Variants in HPS5 observed in about 807,000 individuals in gnomAD.
The protein encoded by HPS5 is HPS5 biogenesis of lysosomal organelles complex 2 subunit 2.
Under a neutral mutation model 128.0 loss-of-function variants are expected in HPS5, and 83 were observed. That is an observed-to-expected ratio of 0.65 (90% CI 0.54 to 0.78). HPS5 has a LOEUF of 0.78. HPS5 is among the 30% of genes least tolerant of loss of function. HPS5 has a pLI of 0.00. For synonymous variants in HPS5, 475 were observed against 470.2 expected (o/e 1.01, Z -0.13); for missense variants, 1,281 against 1,326.2 (o/e 0.97, Z 0.53).
chr11:18,311,848 T>A (rs1271408849), intron 3 of HPS5, 66 bp downstream of exon 3: 4 of 1,042,456 alleles, frequency 3.8e-6, no homozygotes, highest in African/African-American at 1.6e-5. Context: ...ATTATTTATA[T>A]TGGAGAAATT....
intron 5 of HPS5, 151 bp downstream of exon 5, chr11:18,310,590 T>C: frequency 1.5e-6 from 1 of 666,152 alleles, no homozygotes; most frequent in East Asian, 2.5e-5. Flanking sequence ...GTGTACTATA[T>C]AAAAACAGGT....
At position 18,299,502 on chromosome 11, in the gene HPS5, C is replaced by T. The variant is rs1861460033; in HGVS notation, c.986-532G>A. ...GAGACCAGTAAGTAATGATTTCTTT[C>T]TCTCTCTCCTTTTTTGGTTTTTACA... is the stretch of plus-strand genomic sequence containing the variant. On this transcript the variant is annotated intron_variant, in intron 9 of 22. Transcript: ENST00000349215. 2.0e-5 allele frequency among the ~76,000 whole-genome samples: 3 copies of T among 152,184 alleles called. No individual in the cohort carries two copies. The South Asian group carries it at 6.2e-4, about 31-fold the overall frequency.
intron 22 of HPS5, among the ~76,000 whole-genome samples, chr11:18,280,304 C>T (rs933027499): frequency 1.3e-5 from 2 of 152,098 alleles, no homozygotes; most frequent in African/African-American, 4.8e-5. Context: ...TAGAAAAATG[C>T]AAATCAAAAC....
Position 18,279,411 on chromosome 11 carries a change from T to C in HPS5, c.*471A>G, listed in dbSNP as rs1235917456. 1 of 172,000 alleles carries C rather than the reference T, an allele frequency of 5.8e-6. No individual in the cohort carries two copies. Among genetic ancestry groups the C allele is most frequent in the Admixed American group, 5.6e-5 (1 of 18,018 alleles). The allele number at this position is 172,000 out of a possible 1,614,324, so 10.7% of individuals were successfully genotyped here. On this transcript the variant is annotated 3_prime_UTR_variant, in exon 23 of 23. Coordinates refer to ENST00000349215, the MANE Select transcript of HPS5 (RefSeq NM_181507.2). ...GTGTTAATTCCATTATACACCGTCT[T>C]ATTTCAGTAATTTCCATATTGTGCC...
chr11:18,303,978 T>C lies in HPS5; in HGVS notation c.896+1444A>G, dbSNP rs187416426. ...ATTAGGCCAAGCATTGAAAAAATAA[T>C]AGTCAACAAAACAGAAATAAAGCCC... On this transcript the variant is annotated intron_variant, in intron 8 of 22. Transcript: ENST00000349215. Among the ~76,000 whole-genome samples the C allele has an allele frequency of 2.6e-5, 4 of 152,028 alleles. No homozygotes were observed. In the East Asian group the frequency reaches 7.7e-4, roughly 29 times the overall value.
intron 14 of HPS5, among the ~76,000 whole-genome samples, chr11:18,294,395 T>G (rs1269242311): frequency 1.3e-5 from 2 of 152,128 alleles, no homozygotes; most frequent in African/African-American, 4.8e-5. Context: ...AATAGCACAT[T>G]TTGGATCTTA....
At chr11:18,310,955 G>C (rs1425185303) in intron 4 of HPS5, 22 bp from the exon 5 acceptor site, 1 of 1,594,588 alleles carries the variant, frequency 6.3e-7, no homozygotes, top group South Asian at 1.1e-5. Flanking sequence ...GAGTCACAGA[G>C]GCAAACGTGG....
At chr11:18,288,105 G>T in intron 16 of HPS5, 92 bp from the exon 17 acceptor site, 2 of 1,383,810 alleles carry the variant, frequency 1.4e-6, no homozygotes, top group Non-Finnish European at 1.0e-6. Context: ...CATTAGTCAC[G>T]TACCTACTGT....
chr11:18,321,527 A>T (rs1046612059), intron 1 of HPS5, among the ~76,000 whole-genome samples: 1 of 152,246 alleles, frequency 6.6e-6, no homozygotes, highest in Admixed American at 6.5e-5. Context: ...GAGTTCATAA[A>T]TGGTAGAGCT....
At chr11:18,319,637 G>C (rs1864070563) in intron 1 of HPS5, among the ~76,000 whole-genome samples, 1 of 152,150 alleles carries the variant, frequency 6.6e-6, no homozygotes, top group Non-Finnish European at 1.5e-5. Context: ...ACTTAACTTG[G>C]CAGGCAACAG....
chr11:18,299,072 G>T, intron 9 of HPS5, 102 bp from the exon 10 acceptor site: 2 of 1,140,074 alleles, frequency 1.8e-6, no homozygotes, highest in Non-Finnish European at 1.3e-6. Context: ...CTTACGTAGG[G>T]TTTGGCTTGA....
At chr11:18,317,463 C>G (rs866859165) in intron 2 of HPS5, among the ~76,000 whole-genome samples, 3 of 152,058 alleles carry the variant, frequency 2.0e-5, no homozygotes, top group Non-Finnish European at 4.4e-5. Context: ...ACCATGTTGG[C>G]CAGGCTGGTC....
At chr11:18,315,311 CAAG>C (rs1171884055) in intron 2 of HPS5, among the ~76,000 whole-genome samples, 2 of 152,134 alleles carry the variant, frequency 1.3e-5, no homozygotes, top group African/African-American at 4.8e-5. Flanking sequence ...CTTATCTGAC[CAAG>C]AAAGCTTCTT....
At chr11:18,304,639 G>A (rs1862140678) in intron 8 of HPS5, among the ~76,000 whole-genome samples, 1 of 152,204 alleles carries the variant, frequency 6.6e-6, no homozygotes, top group Non-Finnish European at 1.5e-5. Context: ...AGAGTGGTTA[G>A]TTAGCCTTTC....
At chr11:18,316,766 C>T (rs572990179) in intron 2 of HPS5, among the ~76,000 whole-genome samples, 22 of 152,268 alleles carry the variant, frequency 1.4e-4, no homozygotes, top group African/African-American at 5.1e-4. Flanking sequence ...GGCTGTTTGT[C>T]AGGAATTCTC....
At position 18,295,911 on chromosome 11, in the gene HPS5, T is replaced by A. The variant is rs2305564; in HGVS notation, c.1634+88A>T. 0.53 allele frequency: 733,737 copies of A among 1,383,236 alleles called. 198,477 individuals are homozygous for A. The highest frequency in any genetic ancestry group is 0.57 in the East Asian group (24,673 of 43,382). The allele number at this position is 1,383,236 out of a possible 1,614,324, so 85.7% of individuals were successfully genotyped here. On this transcript the variant is annotated intron_variant, in intron 13 of 22. Coordinates refer to ENST00000349215, the MANE Select transcript of HPS5 (RefSeq NM_181507.2). ...TGGAAAACAAGAGACTTCCTTTTTCTCATTTTCCATTCTCAGCACAAATTA... is the reference window on the plus strand; with the variant it reads ...TGGAAAACAAGAGACTTCCTTTTTCACATTTTCCATTCTCAGCACAAATTA...
chr11:18,298,632 C>T (rs1325620736), intron 10 of HPS5, among the ~76,000 whole-genome samples, 160 bp downstream of exon 10: 1 of 152,096 alleles, frequency 6.6e-6, no homozygotes. Flanking sequence ...CTCTATCCAC[C>T]CCTAGATATA....
intron 13 of HPS5, among the ~76,000 whole-genome samples, chr11:18,295,794 G>A (rs1860993152): frequency 6.6e-6 from 1 of 152,264 alleles, no homozygotes; most frequent in African/African-American, 2.4e-5. Context: ...ACCTACATCT[G>A]CAACAACTCA....
Position 18,287,971 on chromosome 11 carries a change from C to G in HPS5, c.2483G>C (p.Gly828Ala). The change falls in exon 17 of 23, where the codon GGA (glycine) becomes GCA (alanine). Residue 828 changes from glycine to alanine, a missense_variant. Gly to Ala is a moderately conservative substitution (Grantham distance 60). Coordinates refer to ENST00000349215, the MANE Select transcript of HPS5 (RefSeq NM_181507.2). ...TAACTTTAACCTTGTTGGTAGATCT[C>G]CTTTTTCCATCTCCATATACACAGG... Reference protein sequence around the residue: ...SNPVYMEMEKGDLPTRLKLLD... With the variant: ...SNPVYMEMEKADLPTRLKLLD... 2.5e-6 allele frequency: 4 copies of G among 1,613,900 alleles called. No individual in the cohort carries two copies. The highest frequency in any genetic ancestry group is 3.3e-4 in the Middle Eastern group (2 of 6,058).
Sources: allele counts gnomAD v4.1 joint callset (sites outside exome capture counted in the v4.1 genomes callset), GRCh38; gene constraint gnomAD v4.1.1; transcripts MANE v1.5; gene names NCBI Gene and HGNC (gene_info 2026-07-23, HGNC 2026-07-21).